Variants in EDIL3 observed in about 807,000 individuals in gnomAD.
The protein encoded by EDIL3 is EGF like and discoidin domains 3, also known as EGF-like repeat and discoidin I-like domain-containing protein 3.
EDIL3 carries 37 observed loss-of-function variants against 67.4 expected under a neutral mutation model. The observed-to-expected ratio is 0.55, with a 90% confidence interval of 0.42 to 0.72. EDIL3 has a LOEUF of 0.72. EDIL3 is among the 30% of genes least tolerant of loss of function. EDIL3 has a pLI of 0.00. For synonymous variants in EDIL3, 195 were observed against 196.3 expected, an observed-to-expected ratio of 0.99 and a Z score of 0.05; for missense variants, 527 against 586.3, an observed-to-expected ratio of 0.90 and a Z score of 1.04.
At chr5:84,226,454 G>C (rs536930658) in intron 3 of EDIL3, among the ~76,000 whole-genome samples, 9 of 151,596 alleles carry the variant, frequency 5.9e-5, no homozygotes, top group Non-Finnish European at 1.0e-4. Context: ...AAAATTCAGG[G>C]CAAGAGATAC....
intron 1 of EDIL3, among the ~76,000 whole-genome samples, chr5:84,341,824 T>C (rs1249311385): frequency 1.3e-5 from 2 of 152,026 alleles, no homozygotes; most frequent in Non-Finnish European, 2.9e-5. Context: ...ATATAATATC[T>C]CTTTTATATA....
chr5:84,384,418 G>C lies in EDIL3; in HGVS notation c.-44C>G. On this transcript the variant is annotated 5_prime_UTR_variant, in exon 1 of 11. Transcript: ENST00000296591. ...TGACCCCGGCTGGTCAGGGGTCGTCGCGGAGGGCAGTGTAGCCGAGGTGGC... is the reference window on the plus strand; with the variant it reads ...TGACCCCGGCTGGTCAGGGGTCGTCCCGGAGGGCAGTGTAGCCGAGGTGGC... The C allele has an allele frequency of 6.2e-7, 1 of 1,607,754 alleles. No homozygotes were observed. Among genetic ancestry groups the C allele is most frequent in the South Asian group, 1.1e-5 (1 of 90,510 alleles).
At chr5:84,298,640 A>T (rs2112127430) in intron 1 of EDIL3, among the ~76,000 whole-genome samples, 1 of 152,264 alleles carries the variant, frequency 6.6e-6, no homozygotes, top group Non-Finnish European at 1.5e-5. Flanking sequence ...TAAAAAAGAA[A>T]CTTCTCACCA....
rs192732692 is a variant in EDIL3 at position 83,985,204 on chromosome 5, A to C, written c.1138-21844T>G. On this transcript the variant is annotated intron_variant, in intron 9 of 10. Coordinates refer to ENST00000296591, the MANE Select transcript of EDIL3 (RefSeq NM_005711.5). Reference sequence around the variant, plus strand: ...CTTGCAAATTGATTACACCAGAGGAAAAAAATCACAAATAAGTATAATTAA... The same window carrying C: ...CTTGCAAATTGATTACACCAGAGGACAAAAATCACAAATAAGTATAATTAA... Among the ~76,000 whole-genome samples, 1,435 of 151,924 alleles carry C rather than the reference A, an allele frequency of 9.4e-3. 28 individuals are homozygous for C. The highest frequency in any genetic ancestry group is 0.033 in the African/African-American group (1,374 of 41,490).
intron 1 of EDIL3, among the ~76,000 whole-genome samples, chr5:84,312,908 A>G (rs971906423): frequency 1.3e-5 from 2 of 152,208 alleles, no homozygotes; most frequent in African/African-American, 2.4e-5. Context: ...TGGGAAATCC[A>G]TAATTCAACA....
rs535208298 is a variant in EDIL3, at chr5:83,940,583, G to C, written c.*2836C>G. ...CTTATAAATGTGTTTAATTACAACTGCTTCAAAAGAATCCCAGCTTTTCAA... is the reference window on the plus strand; with the variant it reads ...CTTATAAATGTGTTTAATTACAACTCCTTCAAAAGAATCCCAGCTTTTCAA... On this transcript the variant is annotated 3_prime_UTR_variant, in exon 11 of 11. Coordinates refer to ENST00000296591, the MANE Select transcript of EDIL3 (RefSeq NM_005711.5). 1 of 151,910 alleles carries C rather than the reference G, an allele frequency of 6.6e-6. No individual in the cohort carries two copies. The highest frequency in any genetic ancestry group is 1.5e-5 in the Non-Finnish European group (1 of 67,892). 9.4% of individuals were successfully genotyped at this position (151,910 alleles called of 1,614,324 possible). A position where few individuals can be genotyped will look rare whatever the true frequency, so the allele number is the denominator to read the frequency against.
chr5:84,220,628 C>A (rs1744323233), intron 3 of EDIL3, among the ~76,000 whole-genome samples: 1 of 152,070 alleles, frequency 6.6e-6, no homozygotes, highest in Admixed American at 6.6e-5. Flanking sequence ...GTATGCATTT[C>A]TTTGATTCTG....
At chr5:84,090,909 C>T (rs1747154854) in intron 6 of EDIL3, among the ~76,000 whole-genome samples, 1 of 151,226 alleles carries the variant, frequency 6.6e-6, no homozygotes, top group African/African-American at 2.4e-5. Flanking sequence ...GATTGCACCA[C>T]TGCACTCCAG....
chr5:83,994,135 C>G (rs547938745), intron 9 of EDIL3, among the ~76,000 whole-genome samples: 98 of 152,242 alleles, frequency 6.4e-4, no homozygotes, highest in African/African-American at 2.4e-3. Context: ...TGTACATAGG[C>G]ATTTTACGCT....
intron 1 of EDIL3, among the ~76,000 whole-genome samples, chr5:84,276,124 C>G (rs1745579521): frequency 6.6e-6 from 1 of 152,092 alleles, no homozygotes; most frequent in Non-Finnish European, 1.5e-5. Context: ...CTTTCTGGGT[C>G]TTTTTGGGCT....
At chr5:84,347,511 C>T (rs924282756) in intron 1 of EDIL3, among the ~76,000 whole-genome samples, 10 of 152,180 alleles carry the variant, frequency 6.6e-5, no homozygotes, top group South Asian at 4.2e-4. Context: ...CATAAATATA[C>T]GTAACTATAT....
At chr5:84,085,563 G>C (rs1466805252) in intron 6 of EDIL3, among the ~76,000 whole-genome samples, 3 of 152,184 alleles carry the variant, frequency 2.0e-5, no homozygotes, top group Non-Finnish European at 4.4e-5. Flanking sequence ...TTGTCCCAGA[G>C]GGGCACCAAC....
intron 9 of EDIL3, 87 bp downstream of exon 9, chr5:84,060,213 G>A (rs560876694): frequency 2.0e-6 from 3 of 1,469,208 alleles, no homozygotes. Context: ...TAGCGTGAAG[G>A]TAACGACTCT....
intron 1 of EDIL3, among the ~76,000 whole-genome samples, chr5:84,288,989 G>C (rs62360084): frequency 0.12 from 17,601 of 152,080 alleles, 1,185 homozygotes; most frequent in Middle Eastern, 0.17. Flanking sequence ...GCAACGTATA[G>C]TGTGGAGCTA....
chr5:83,980,960 A>G (rs1744960566), intron 9 of EDIL3, among the ~76,000 whole-genome samples: 1 of 152,028 alleles, frequency 6.6e-6, no homozygotes, highest in African/African-American at 2.4e-5. Flanking sequence ...TCATACAGTA[A>G]AAACTACAAA....
At chr5:84,188,543 A>G (rs1227671028) in intron 3 of EDIL3, among the ~76,000 whole-genome samples, 1 of 152,008 alleles carries the variant, frequency 6.6e-6, no homozygotes, top group Non-Finnish European at 1.5e-5. Context: ...CAAAGGCCCT[A>G]TGATGGGCTA....
At chr5:84,010,375 AT>A (rs1745496718) in intron 9 of EDIL3, among the ~76,000 whole-genome samples, 1 of 152,050 alleles carries the variant, frequency 6.6e-6, no homozygotes, top group African/African-American at 2.4e-5. Flanking sequence ...TCTTTATAAC[AT>A]TTTGCTTGTG....
chr5:84,082,639 T>C (rs1746990204), intron 6 of EDIL3, among the ~76,000 whole-genome samples: 1 of 152,138 alleles, frequency 6.6e-6, no homozygotes. Flanking sequence ...AAAAATAAAA[T>C]AAAATAAATA....
chr5:84,026,459 C>G (rs1218302817), intron 9 of EDIL3, among the ~76,000 whole-genome samples: 1 of 151,954 alleles, frequency 6.6e-6, no homozygotes, highest in Non-Finnish European at 1.5e-5. Context: ...AACAGAGATT[C>G]AGTTCAGTCA....
Sources: allele counts gnomAD v4.1 joint callset (sites outside exome capture counted in the v4.1 genomes callset), GRCh38; gene constraint gnomAD v4.1.1; transcripts MANE v1.5; gene names NCBI Gene and HGNC (gene_info 2026-07-23, HGNC 2026-07-21).